Variants in TTC28 observed in about 807,000 individuals in gnomAD.
The protein encoded by TTC28 is tetratricopeptide repeat domain 28, also known as tetratricopeptide repeat protein 28.
In TTC28, 61 loss-of-function variants were observed where a neutral mutation model predicts 198.0. The ratio of observed to expected loss-of-function variants is 0.31; its 90% CI spans 0.25 to 0.38. The LOEUF (loss-of-function observed/expected upper bound fraction) is 0.38. TTC28 is among the 10% of genes least tolerant of loss of function. The pLI, the probability that TTC28 is intolerant of heterozygous loss-of-function variation, is 1.00. For synonymous variants in TTC28, 1,171 were observed against 1,297.8 expected (o/e 0.90, Z 2.10); for missense variants, 2,678 against 3,164.0 (o/e 0.85, Z 3.69).
chr22:28,512,008 G>A (rs943597925), intron 2 of TTC28, among the ~76,000 whole-genome samples: 2 of 151,562 alleles, frequency 1.3e-5, no homozygotes, highest in East Asian at 1.9e-4. Context: ...GGAGTGAACG[G>A]AAAACCTACA....
chr22:28,112,816 G>A (rs915981779), intron 6 of TTC28, among the ~76,000 whole-genome samples: 1 of 152,148 alleles, frequency 6.6e-6, no homozygotes, highest in Admixed American at 6.5e-5. Flanking sequence ...AGGTGACAAC[G>A]TGCTGCAGGG....
intron 2 of TTC28, among the ~76,000 whole-genome samples, chr22:28,587,938 G>A (rs946449051): frequency 2.7e-4 from 41 of 151,546 alleles, no homozygotes; most frequent in Non-Finnish European, 8.8e-5. Context: ...TCAGGAGATC[G>A]AGACCATCCT....
chr22:28,646,676 C>T (rs1206657445), intron 1 of TTC28, among the ~76,000 whole-genome samples: 2 of 152,218 alleles, frequency 1.3e-5, no homozygotes, highest in East Asian at 3.9e-4. Context: ...ATCAGCCTGG[C>T]CAGCATGGCA....
chr22:28,057,445 G>A (rs1008265762), intron 12 of TTC28, among the ~76,000 whole-genome samples: 1 of 152,012 alleles, frequency 6.6e-6, no homozygotes, highest in Non-Finnish European at 1.5e-5. Context: ...TTTAAATCAA[G>A]TGTTTGTTTA....
intron 2 of TTC28, among the ~76,000 whole-genome samples, chr22:28,434,765 A>T (rs1276026748): frequency 2.0e-5 from 3 of 152,180 alleles, no homozygotes; most frequent in Admixed American, 2.0e-4. Flanking sequence ...GTTCAAGCCT[A>T]TATACATTGA....
At chr22:28,148,159 C>T (rs917891759) in intron 6 of TTC28, among the ~76,000 whole-genome samples, 1 of 152,104 alleles carries the variant, frequency 6.6e-6, no homozygotes, top group Non-Finnish European at 1.5e-5. Context: ...AGCTATAGGG[C>T]AAAGGACCAT....
chr22:28,374,186 A>G (rs1477220549), intron 2 of TTC28, among the ~76,000 whole-genome samples: 1 of 152,244 alleles, frequency 6.6e-6, no homozygotes, highest in Admixed American at 6.5e-5. Context: ...TGCTTTCAAA[A>G]TTACAATGTC....
At chr22:28,251,359 A>C (rs1813025605) in intron 5 of TTC28, among the ~76,000 whole-genome samples, 1 of 152,154 alleles carries the variant, frequency 6.6e-6, no homozygotes, top group Non-Finnish European at 1.5e-5. Flanking sequence ...GTAGCTATTT[A>C]TTTATTATCT....
chr22:28,085,337 A>G (rs1361602715), intron 12 of TTC28, among the ~76,000 whole-genome samples: 2 of 152,188 alleles, frequency 1.3e-5, no homozygotes, highest in Non-Finnish European at 2.9e-5. Context: ...ACAAGTCAGA[A>G]GAGAGTGGGG....
In TTC28 at chr22:28,657,409, A is replaced by T. The variant is rs185016749; in HGVS notation, c.102+22213T>A. 2.6e-5 allele frequency among the ~76,000 whole-genome samples: 4 copies of T among 152,320 alleles called. No individual in the cohort carries two copies. The East Asian group carries it at 7.7e-4, about 29-fold the overall frequency. ...GGAGGTATTCTTACTCTCTACTGAG[A>T]ACATCCAACCTGACAACACATTTCT... On this transcript the variant is annotated intron_variant, in intron 1 of 22. Transcript: ENST00000397906.
intron 2 of TTC28, among the ~76,000 whole-genome samples, chr22:28,431,904 G>A (rs1048252774): frequency 6.6e-6 from 1 of 151,930 alleles, no homozygotes; most frequent in African/African-American, 2.4e-5. Flanking sequence ...CTTGAACCCA[G>A]GAGGAGGAGG....
chr22:28,067,579 C>A (rs1316500849), intron 12 of TTC28, among the ~76,000 whole-genome samples: 1 of 152,166 alleles, frequency 6.6e-6, no homozygotes, highest in East Asian at 1.9e-4. Context: ...CTCGTGACAT[C>A]TACAAACCTA....
intron 2 of TTC28, among the ~76,000 whole-genome samples, chr22:28,573,410 C>T (rs2050093819): frequency 1.3e-5 from 2 of 151,612 alleles, no homozygotes; most frequent in Admixed American, 1.3e-4. Context: ...GCCGTGATCG[C>T]GCCACTGCAC....
At chr22:28,339,753 C>T (rs186465557) in intron 2 of TTC28, among the ~76,000 whole-genome samples, 259 of 152,278 alleles carry the variant, frequency 1.7e-3, no homozygotes, top group Non-Finnish European at 2.7e-3. Flanking sequence ...CGTAGTATTA[C>T]GGTGGGAGTG....
intron 12 of TTC28, among the ~76,000 whole-genome samples, chr22:28,043,757 C>T (rs1325149399): frequency 4.6e-5 from 7 of 152,036 alleles, no homozygotes; most frequent in Admixed American, 3.3e-4. Flanking sequence ...ATGGGCAGGG[C>T]GGAGATGTGT....
At chr22:28,444,026 C>G (rs1319847400) in intron 2 of TTC28, among the ~76,000 whole-genome samples, 1 of 152,156 alleles carries the variant, frequency 6.6e-6, no homozygotes, top group Non-Finnish European at 1.5e-5. Flanking sequence ...ATTTCCTTCT[C>G]TAAATTTAGC....
At chr22:28,371,509 C>CAAAAAAAAAAAAAAAAAAAAAAAA (rs1229801209) in intron 2 of TTC28, among the ~76,000 whole-genome samples, 9 of 6,104 alleles carry the variant, frequency 1.5e-3, no homozygotes, top group Non-Finnish European at 1.7e-3. Context: ...GACCCTGTCT[C>CAAAAAAAAAAAAAAAAAAAAAAAA]AAAAAAAAAA....
chr22:28,397,171 A>G (rs958800632), intron 2 of TTC28, among the ~76,000 whole-genome samples: 11 of 152,222 alleles, frequency 7.2e-5, no homozygotes, highest in South Asian at 2.1e-4. Context: ...GATCTCAATA[A>G]TCTCATTAAC....
At chr22:28,407,472 G>GCA (rs61622821) in intron 2 of TTC28, among the ~76,000 whole-genome samples, 22,635 of 148,648 alleles carry the variant, frequency 0.15, 1,829 homozygotes, top group African/African-American at 0.22. Context: ...ACATGCGTGC[G>GCA]CACACACACA....
Sources: allele counts gnomAD v4.1 joint callset (sites outside exome capture counted in the v4.1 genomes callset), GRCh38; gene constraint gnomAD v4.1.1; transcripts MANE v1.5; gene names NCBI Gene and HGNC (gene_info 2026-07-23, HGNC 2026-07-21).